The following XIST variants were observed in gnomAD, a reference collection of about 807,000 sequenced individuals.
XIST encodes the protein X inactive specific transcript (non-protein coding).
At chrX:73,845,455 C>T (rs374215883) in exon 1 of XIST, 60 of 552,284 alleles carry the variant, frequency 1.1e-4, no homozygotes, top group Middle Eastern at 6.2e-4. Flanking sequence ...CCTTGATTGT[C>T]CAAATGTAAG....
chrX:73,826,664 AG>A (rs760751285), exon 6 of XIST: 1 of 559,386 alleles, frequency 1.8e-6, no homozygotes, highest in East Asian at 3.2e-5. Context: ...GGATTTCCCC[AG>A]GTCTTCAAGC....
At chrX:73,825,644 T>A in exon 6 of XIST, 2 of 513,148 alleles carry the variant, frequency 3.9e-6, no homozygotes, top group Non-Finnish European at 7.0e-6. Context: ...ATAAAAACGT[T>A]GTTTAAAAAA....
At chrX:73,849,683 G>C in exon 1 of XIST, 1 of 558,213 alleles carries the variant, frequency 1.8e-6, no homozygotes, top group East Asian at 3.2e-5. Flanking sequence ...AATGGTCAAG[G>C]AGTCAGTACT....
At chrX:73,825,741 C>T in exon 6 of XIST, 2 of 515,386 alleles carry the variant, frequency 3.9e-6, no homozygotes, top group Non-Finnish European at 7.0e-6. Context: ...CCCTGATTTA[C>T]ATAATGCTTC....
exon 1 of XIST, chrX:73,850,712 G>A (rs1191031355): frequency 3.9e-6 from 1 of 256,059 alleles, no homozygotes; most frequent in Non-Finnish European, 7.2e-6. Flanking sequence ...GGGTAGGGGG[G>A]TGGGGAGGTG....
exon 1 of XIST, chrX:73,846,971 T>C: frequency 3.6e-6 from 2 of 559,267 alleles, no homozygotes; most frequent in South Asian, 4.4e-5. Flanking sequence ...AAGGGCTTAA[T>C]ATTGATTAGC....
At chrX:73,847,712 A>G (rs1208766999) in exon 1 of XIST, 4 of 550,673 alleles carry the variant, frequency 7.3e-6, no homozygotes, top group South Asian at 6.9e-5. Context: ...AATTGAAAAT[A>G]TGCACATTAA....
chrX:73,851,279 C>A (rs781753270), exon 1 of XIST: 1 of 559,319 alleles, frequency 1.8e-6, no homozygotes, highest in Non-Finnish European at 3.2e-6. Flanking sequence ...TATGACAACG[C>A]CTGCCATATT....
intron 2 of XIST, among the ~76,000 whole-genome samples, chrX:73,836,703 G>A (rs924968142): frequency 4.5e-5 from 5 of 111,439 alleles, no homozygotes; most frequent in Non-Finnish European, 9.4e-5. Context: ...TTCACTTCTT[G>A]ATTTCTAATA....
rs371466923 is a variant in XIST at position 73,842,939 on chromosome X, C to T, written n.9785G>A. On this transcript the variant is annotated non_coding_transcript_exon_variant, in exon 1 of 6. Coordinates refer to ENST00000429829, the Ensembl canonical transcript of XIST. Reference sequence around the variant, plus strand: ...CAAGGGGCAGAGAGAGGGAAGACTTCGTATATAAAGCATGACACCATGGCT... The same window carrying T: ...CAAGGGGCAGAGAGAGGGAAGACTTTGTATATAAAGCATGACACCATGGCT... The T allele has an allele frequency of 2.9e-5, 16 of 556,388 alleles. No homozygotes were observed. In the Middle Eastern group the frequency reaches 9.2e-4, roughly 32 times the overall value. The allele number at this position is 556,388 out of a possible 1,213,427, so 45.9% of individuals were successfully genotyped here.
chrX:73,850,348 A>G (rs1360259562), exon 1 of XIST: 1 of 540,959 alleles, frequency 1.8e-6, no homozygotes, highest in Admixed American at 2.4e-5. Flanking sequence ...TCAAAACAAA[A>G]ACTCATTAAA....
chrX:73,840,449 G>C (rs66494893), intron 1 of XIST, among the ~76,000 whole-genome samples: 4,808 of 111,201 alleles, frequency 0.043, 98 homozygotes, highest in Middle Eastern at 0.06. Flanking sequence ...AAAAAGTTTC[G>C]AATGTTATGT....
At chrX:73,846,399 T>C (rs1922772043) in exon 1 of XIST, 6 of 548,028 alleles carry the variant, frequency 1.1e-5, no homozygotes, top group Non-Finnish European at 2.0e-5. Context: ...GAGACTGAGG[T>C]ATGTGGAGAG....
At chrX:73,848,314 G>A (rs757300459) in exon 1 of XIST, 6 of 553,753 alleles carry the variant, frequency 1.1e-5, no homozygotes, top group Non-Finnish European at 2.0e-5. Context: ...TGGAGGAGGG[G>A]CATTAGGTAA....
intron 5 of XIST, chrX:73,828,987 C>A: frequency 2.1e-6 from 1 of 480,119 alleles, no homozygotes; most frequent in Non-Finnish European, 3.7e-6. Context: ...CAACACACCC[C>A]ATCCAACACC....
exon 1 of XIST, chrX:73,847,946 T>C (rs749157325): frequency 2.2e-5 from 12 of 556,254 alleles, no homozygotes; most frequent in Admixed American, 1.6e-4. Context: ...CTGAAAGACA[T>C]TGTTGTGATC....
At chrX:73,825,463 A>G (rs769056512) in exon 6 of XIST, 9 of 526,841 alleles carry the variant, frequency 1.7e-5, no homozygotes, top group Non-Finnish European at 2.7e-5. Flanking sequence ...GGTCACCTAG[A>G]TATCAATAAT....
chrX:73,846,036 A>C, exon 1 of XIST: 2 of 556,804 alleles, frequency 3.6e-6, no homozygotes, highest in Non-Finnish European at 3.2e-6. Context: ...ACAACTGTGC[A>C]CCTTGATTGT....
chrX:73,847,212 GGCTAGTTAGAAGCTCCT>G (rs1348828173), exon 1 of XIST: 7 of 556,900 alleles, frequency 1.3e-5, no homozygotes, highest in Middle Eastern at 3.1e-4. Flanking sequence ...AGTGAATTCA[GGCTAGTTAGAAGCTCCT>G]GCAGTAATGC....
Sources: gnomAD v4.1 joint callset for allele counts (sites outside exome capture counted in the v4.1 genomes callset) on GRCh38, gnomAD v4.1.1 for gene constraint, MANE v1.5 for transcripts, NCBI Gene and HGNC (gene_info 2026-07-23, HGNC 2026-07-21) for gene names.